The following SLC39A9 variants were observed in gnomAD, a reference collection of about 807,000 sequenced individuals.
The protein encoded by SLC39A9 is solute carrier family 39 member 9, also known as zinc transporter ZIP9.
A neutral mutation model predicts 28.4 loss-of-function variants in SLC39A9; 14 were observed. The observed-to-expected ratio is 0.49, with a 90% CI of 0.33 to 0.77. The LOEUF is 0.77. Ranked by LOEUF, SLC39A9 falls within the 30% of genes least tolerant of loss-of-function variation. The pLI is 0.02. For synonymous variants in SLC39A9, 119 were observed against 149.6 expected, an observed-to-expected ratio of 0.80 and a Z score of 1.49; for missense variants, 283 against 381.1, an observed-to-expected ratio of 0.74 and a Z score of 2.14.
chr14:69,402,325 C>T (rs1017079853), intron 1 of SLC39A9, among the ~76,000 whole-genome samples: 9 of 151,990 alleles, frequency 5.9e-5, no homozygotes, highest in Admixed American at 2.6e-4. Context: ...ATGCGGCCCA[C>T]GAGCCATGAG....
chr14:69,427,826 TGA>T (rs1884279031), intron 2 of SLC39A9, among the ~76,000 whole-genome samples: 1 of 152,352 alleles, frequency 6.6e-6, no homozygotes, highest in East Asian at 1.9e-4. Context: ...ATAACATGTC[TGA>T]ACAGGATCTA....
At chr14:69,420,543 C>T (rs560448062) in intron 1 of SLC39A9, among the ~76,000 whole-genome samples, 1 of 152,288 alleles carries the variant, frequency 6.6e-6, no homozygotes, top group East Asian at 1.9e-4. Context: ...GAATTTTGGC[C>T]TGCCTTGCTA....
intron 2 of SLC39A9, among the ~76,000 whole-genome samples, chr14:69,434,467 C>T (rs902071574): frequency 1.6e-4 from 24 of 151,736 alleles, no homozygotes; most frequent in African/African-American, 5.3e-4. Context: ...AGCTGGATAA[C>T]TTCAGACCAG....
intron 1 of SLC39A9, among the ~76,000 whole-genome samples, chr14:69,413,460 C>A (rs1883391546): frequency 6.6e-6 from 1 of 152,122 alleles, no homozygotes; most frequent in African/African-American, 2.4e-5. Flanking sequence ...TTGTCACCAT[C>A]ATTTCTTAAA....
Position 69,462,324 on chromosome 14 carries a change from C to T in SLC39A9, c.*3731C>T, listed in dbSNP as rs780807826. The T allele has an allele frequency of 6.6e-6, 1 of 152,190 alleles. No homozygotes were observed. Among genetic ancestry groups the T allele is most frequent in the Non-Finnish European group, 1.5e-5 (1 of 68,048 alleles). 9.4% of individuals were successfully genotyped at this position (152,190 alleles called of 1,614,324 possible). On this transcript the variant is annotated 3_prime_UTR_variant, in exon 7 of 7. Coordinates refer to ENST00000336643, the MANE Select transcript of SLC39A9 (RefSeq NM_018375.5). ...TGCCTTATAATTTTGTCTCTTTCCA[C>T]TTTAATTGTGAATGGTTAAAAAAAT...
rs925322688 is a variant in SLC39A9, at chr14:69,402,084, T to C, written c.96+2619T>C. 3.5e-4 allele frequency among the ~76,000 whole-genome samples: 53 copies of C among 152,162 alleles called. 1 individual carries two copies. Among genetic ancestry groups the C allele is most frequent in the African/African-American group, 1.2e-3 (48 of 41,444 alleles). On this transcript the variant is annotated intron_variant, in intron 1 of 6. Coordinates refer to ENST00000336643, the MANE Select transcript of SLC39A9 (RefSeq NM_018375.5). ...CCTTTTTAAGGAAGTCTGGCTTTCT[T>C]AGAGGCTAGTGTTACTGTTTTACAG...
chr14:69,413,242 G>A (rs1883374273), intron 1 of SLC39A9, among the ~76,000 whole-genome samples: 1 of 152,104 alleles, frequency 6.6e-6, no homozygotes, highest in Non-Finnish European at 1.5e-5. Flanking sequence ...TGTAGTCCCA[G>A]CTACTCGGGA....
chr14:69,439,301 C>A (rs976591989), intron 2 of SLC39A9, among the ~76,000 whole-genome samples: 1 of 151,810 alleles, frequency 6.6e-6, no homozygotes, highest in Non-Finnish European at 1.5e-5. Context: ...CTACACGTTG[C>A]GCACATGTAC....
intron 3 of SLC39A9, among the ~76,000 whole-genome samples, chr14:69,446,419 G>A (rs928191422): frequency 6.6e-6 from 1 of 151,642 alleles, no homozygotes; most frequent in Non-Finnish European, 1.5e-5. Context: ...GTACAAGTGA[G>A]CTTGGAACAT....
At chr14:69,414,900 T>C (rs1883486100) in intron 1 of SLC39A9, among the ~76,000 whole-genome samples, 3 of 152,220 alleles carry the variant, frequency 2.0e-5, no homozygotes, top group Admixed American at 2.0e-4. Context: ...ATTCATACAG[T>C]ATATACTCCT....
chr14:69,411,500 C>T lies in SLC39A9; in HGVS notation c.96+12035C>T, dbSNP rs114116633. ...TGGCATTGCACAGTTCATGCCTCTC[C>T]TGAGCAAATACTTCATTTCACTGAC... On this transcript the variant is annotated intron_variant, in intron 1 of 6. Coordinates refer to ENST00000336643, the MANE Select transcript of SLC39A9 (RefSeq NM_018375.5). 4.1e-3 allele frequency among the ~76,000 whole-genome samples: 619 copies of T among 152,296 alleles called. 6 individuals carry two copies. Among genetic ancestry groups the T allele is most frequent in the African/African-American group, 0.014 (596 of 41,560 alleles).
chr14:69,431,782 A>G (rs1010410377), intron 2 of SLC39A9, among the ~76,000 whole-genome samples: 3 of 152,100 alleles, frequency 2.0e-5, no homozygotes, highest in African/African-American at 7.2e-5. Flanking sequence ...CCTGATGTTT[A>G]GTTCCCACTT....
At position 69,461,441 on chromosome 14, in the gene SLC39A9, T is replaced by C. The variant is rs1429771651; in HGVS notation, c.*2848T>C. The C allele has an allele frequency of 1.5e-6, 2 of 1,321,188 alleles. No individual in the cohort carries two copies. The highest frequency in any genetic ancestry group is 2.9e-5 in the African/African-American group (2 of 67,828). The allele number at this position is 1,321,188 out of a possible 1,614,324, so 81.8% of individuals were successfully genotyped here. A position where few individuals can be genotyped will look rare whatever the true frequency, so the allele number is the denominator to read the frequency against. On this transcript the variant is annotated 3_prime_UTR_variant, in exon 7 of 7. Coordinates refer to ENST00000336643, the MANE Select transcript of SLC39A9 (RefSeq NM_018375.5). ...TTTTTTTTTAGCAAAGATTCTGCAC[T>C]GGAACGTAGACAGTTGGAAACAGTA...
intron 1 of SLC39A9, among the ~76,000 whole-genome samples, chr14:69,407,293 C>T (rs1440198269): frequency 2.1e-5 from 3 of 142,356 alleles, no homozygotes; most frequent in African/African-American, 7.6e-5. Context: ...TTCCTTCCTT[C>T]CCTTCCTTCC....
Position 69,460,598 on chromosome 14 carries a change from A to G in SLC39A9, c.*2005A>G. The G allele has an allele frequency of 5.1e-6, 5 of 985,398 alleles. No homozygotes were observed. The highest frequency in any genetic ancestry group is 2.3e-4 in the East Asian group (2 of 8,818). 61.0% of individuals were successfully genotyped at this position (985,398 alleles called of 1,614,324 possible). A position where few individuals can be genotyped will look rare whatever the true frequency, so the allele number is the denominator to read the frequency against. ...GCTTTCTATCATATTGTTGTGTGCA[A>G]TGGTAATTTGTTCTACTGGCCAAAG... On this transcript the variant is annotated 3_prime_UTR_variant, in exon 7 of 7. Transcript: ENST00000336643.
chr14:69,438,253 T>G (rs1327335145), intron 2 of SLC39A9, among the ~76,000 whole-genome samples: 1 of 152,086 alleles, frequency 6.6e-6, no homozygotes, highest in Admixed American at 6.5e-5. Flanking sequence ...ACAACTGACC[T>G]TAGGTGATCC....
chr14:69,399,585 T>C lies in SLC39A9; in HGVS notation c.96+120T>C, dbSNP rs2140238974. On this transcript the variant is annotated intron_variant, in intron 1 of 6. Transcript: ENST00000336643. ...AGCTGAAGGTCTCATTAAGAAAGAC[T>C]ATCTTTTTTAAAAGATACATGACAC... 3 of 699,612 alleles carry C rather than the reference T, an allele frequency of 4.3e-6. No individual in the cohort carries two copies. In the Admixed American group the frequency reaches 8.7e-5, roughly 20 times the overall value. The allele number at this position is 699,612 out of a possible 1,614,324, so 43.3% of individuals were successfully genotyped here.
Position 69,398,703 on chromosome 14 carries a change from A to T in SLC39A9, c.-667A>T, listed in dbSNP as rs1433048482. The T allele has an allele frequency of 4.4e-6, 1 of 229,202 alleles. No individual in the cohort carries two copies. The highest frequency in any genetic ancestry group is 5.3e-5 in the Admixed American group (1 of 18,740). 14.2% of individuals were successfully genotyped at this position (229,202 alleles called of 1,614,324 possible). ...GAAGTGGATGGAATGAAGAGATGCCACTTGGCGGCCATGGCAGCTGTAGTA... is the reference window on the plus strand; with the variant it reads ...GAAGTGGATGGAATGAAGAGATGCCTCTTGGCGGCCATGGCAGCTGTAGTA... On this transcript the variant is annotated 5_prime_UTR_variant, in exon 1 of 7. Transcript: ENST00000336643.
At chr14:69,402,212 A>AT (rs1291418575) in intron 1 of SLC39A9, among the ~76,000 whole-genome samples, 2 of 151,610 alleles carry the variant, frequency 1.3e-5, no homozygotes, top group African/African-American at 4.9e-5. Flanking sequence ...TAACACTAAG[A>AT]TAGGTGATGA....
Sources: gnomAD v4.1 joint callset for allele counts (sites outside exome capture counted in the v4.1 genomes callset) on GRCh38, gnomAD v4.1.1 for gene constraint, MANE v1.5 for transcripts, NCBI Gene and HGNC (gene_info 2026-07-23, HGNC 2026-07-21) for gene names.